The following KLHL32 variants were observed in gnomAD, a reference collection of about 807,000 sequenced individuals.
KLHL32 encodes the protein kelch-like protein 32.
A neutral mutation model predicts 64.8 loss-of-function variants in KLHL32; 35 were observed. That is an observed-to-expected ratio of 0.54 (90% confidence interval 0.41 to 0.72). The LOEUF (loss-of-function observed/expected upper bound fraction) is 0.72. Ranked by LOEUF, KLHL32 falls within the 30% of genes least tolerant of loss-of-function variation. KLHL32 has a pLI of 0.00. For missense variants in KLHL32, 589 were observed against 768.5 expected, an observed-to-expected ratio of 0.77 and a Z score of 2.76; for synonymous variants, 259 against 281.0, an observed-to-expected ratio of 0.92 and a Z score of 0.78.
intron 6 of KLHL32, among the ~76,000 whole-genome samples, chr6:97,102,324 A>G (rs1795836484): frequency 6.6e-6 from 1 of 152,138 alleles, no homozygotes; most frequent in Admixed American, 6.5e-5. Context: ...CTAGGAAACA[A>G]TGGGGGGTGT....
chr6:96,911,824 CTT>C, the KLHL32 span, among the ~76,000 whole-genome samples: 60 of 54,064 alleles, frequency 1.1e-3, no homozygotes, highest in African/African-American at 2.9e-3. Context: ...CTCGGTCCTT[CTT>C]TTTTTTTTTT....
chr6:97,115,664 C>T (rs118010222), intron 7 of KLHL32, among the ~76,000 whole-genome samples: 40 of 152,246 alleles, frequency 2.6e-4, no homozygotes, highest in African/African-American at 8.9e-4. Flanking sequence ...TGTTTTCAAT[C>T]TTAGTTTTGA....
chr6:97,123,490 G>A (rs1406304141), intron 7 of KLHL32, among the ~76,000 whole-genome samples: 4 of 152,028 alleles, frequency 2.6e-5, no homozygotes, highest in Non-Finnish European at 5.9e-5. Flanking sequence ...TTGACTTTGG[G>A]GGACCTTGCA....
intron 1 of KLHL32, among the ~76,000 whole-genome samples, chr6:96,966,244 G>T (rs1470868264): frequency 6.6e-6 from 1 of 152,146 alleles, no homozygotes; most frequent in Admixed American, 6.5e-5. Flanking sequence ...CTCTACTGAG[G>T]GTTGTAAAGT....
At chr6:96,960,293 T>C (rs1358563204) in intron 1 of KLHL32, among the ~76,000 whole-genome samples, 4 of 152,180 alleles carry the variant, frequency 2.6e-5, no homozygotes, top group African/African-American at 9.6e-5. Context: ...TTCCCTATTC[T>C]TACTGAACAA....
chr6:97,110,343 C>G (rs1270159350), intron 6 of KLHL32, among the ~76,000 whole-genome samples: 2 of 152,192 alleles, frequency 1.3e-5, no homozygotes, highest in African/African-American at 2.4e-5. Flanking sequence ...AGCGACATTT[C>G]CTTTTTCATT....
chr6:97,020,220 C>T (rs966295732), intron 3 of KLHL32, among the ~76,000 whole-genome samples: 2 of 150,478 alleles, frequency 1.3e-5, no homozygotes, highest in South Asian at 2.1e-4. Flanking sequence ...GGATTACAGG[C>T]GTGAGCCACT....
At chr6:97,111,500 GC>G (rs1797137650) in intron 6 of KLHL32, among the ~76,000 whole-genome samples, 1 of 152,202 alleles carries the variant, frequency 6.6e-6, no homozygotes, top group South Asian at 2.1e-4. Flanking sequence ...GACGGAACAT[GC>G]AGGTGAGTGA....
chr6:97,001,188 A>G (rs1425760214), intron 3 of KLHL32, among the ~76,000 whole-genome samples: 1 of 152,158 alleles, frequency 6.6e-6, no homozygotes, highest in African/African-American at 2.4e-5. Flanking sequence ...TTTGGTGAAT[A>G]ATGATGTGTA....
At chr6:97,026,911 C>T (rs1782791405) in intron 3 of KLHL32, among the ~76,000 whole-genome samples, 1 of 151,968 alleles carries the variant, frequency 6.6e-6, no homozygotes, top group African/African-American at 2.4e-5. Context: ...CACCTGTATT[C>T]CCAGCACTTT....
chr6:97,081,119 C>T (rs962878721), intron 5 of KLHL32, among the ~76,000 whole-genome samples: 8 of 152,234 alleles, frequency 5.3e-5, no homozygotes, highest in African/African-American at 1.9e-4. Context: ...GACCACACCT[C>T]CAGGACTGCA....
At chr6:97,025,006 C>T (rs1782522853) in intron 3 of KLHL32, 2 of 985,152 alleles carry the variant, frequency 2.0e-6, no homozygotes, top group Non-Finnish European at 2.4e-6. Context: ...ATACGGTCAA[C>T]CTCAGCTTCA....
At chr6:97,063,680 G>A (rs964670404) in intron 4 of KLHL32, among the ~76,000 whole-genome samples, 1 of 152,162 alleles carries the variant, frequency 6.6e-6, no homozygotes. Flanking sequence ...AACACTAGTT[G>A]CCTCACCCTG....
At chr6:97,104,852 T>C (rs780259692) in intron 6 of KLHL32, among the ~76,000 whole-genome samples, 8 of 152,236 alleles carry the variant, frequency 5.3e-5, no homozygotes, top group Non-Finnish European at 1.0e-4. Context: ...TTCGATTTTA[T>C]GGGAAAGTTG....
At position 96,953,437 on chromosome 6, in the gene KLHL32, T is replaced by C. The variant is rs536689991; in HGVS notation, c.-65-13559T>C. Among the ~76,000 whole-genome samples, 12 of 152,236 alleles carry C rather than the reference T, an allele frequency of 7.9e-5. No individual in the cohort carries two copies. The East Asian group carries it at 1.9e-3, about 25-fold the overall frequency. ...TTGAGGCCTGGAGTTCAAGACCAGCTTGACCAACATGGCGAAACCCTGTTT... is the reference window on the plus strand; with the variant it reads ...TTGAGGCCTGGAGTTCAAGACCAGCCTGACCAACATGGCGAAACCCTGTTT... On this transcript the variant is annotated intron_variant, in intron 1 of 10. Transcript: ENST00000369261.
At chr6:96,986,027 T>C (rs1404231069) in intron 3 of KLHL32, among the ~76,000 whole-genome samples, 4 of 152,214 alleles carry the variant, frequency 2.6e-5, no homozygotes, top group African/African-American at 9.6e-5. Context: ...TCTTTGATGA[T>C]GGTGACGTAC....
chr6:96,941,972 C>A (rs1299057815), intron 1 of KLHL32, among the ~76,000 whole-genome samples: 1 of 152,126 alleles, frequency 6.6e-6, no homozygotes, highest in Non-Finnish European at 1.5e-5. Flanking sequence ...TGAATATGGT[C>A]TCAGAGAAAG....
upstream of KLHL32, among the ~76,000 whole-genome samples, chr6:96,922,636 A>T (rs1334211163): frequency 1.3e-5 from 2 of 152,234 alleles, no homozygotes; most frequent in Non-Finnish European, 2.9e-5. Flanking sequence ...AGCTCAAAAA[A>T]TTGCTGAACA....
Position 97,100,213 on chromosome 6 carries a change from A to G in KLHL32, c.628-13570A>G, listed in dbSNP as rs538235761. On this transcript the variant is annotated intron_variant, in intron 6 of 10. Transcript: ENST00000369261. ...CTCACAGGTGTTACAAAGTAGAAAT[A>G]GAGGATTCATAGTTCCCTAGTTTTT... Among the ~76,000 whole-genome samples the G allele has an allele frequency of 6.6e-5, 10 of 152,362 alleles. No homozygotes were observed. In the East Asian group the frequency reaches 1.3e-3, roughly 21 times the overall value.
Sources: allele counts gnomAD v4.1 joint callset (sites outside exome capture counted in the v4.1 genomes callset), GRCh38; gene constraint gnomAD v4.1.1; transcripts MANE v1.5; gene names NCBI Gene and HGNC (gene_info 2026-07-23, HGNC 2026-07-21).